The following HSPB7 variants were observed in gnomAD, a reference collection of about 807,000 sequenced individuals.
The protein encoded by HSPB7 is heat shock protein family B (small) member 7, also known as heat shock protein beta-7.
HSPB7 carries 9 observed loss-of-function variants against 11.0 expected under a neutral mutation model. The ratio of observed to expected loss-of-function variants is 0.82; its 90% CI spans 0.49 to 1.43. The LOEUF (loss-of-function observed/expected upper bound fraction) is 1.43, where lower values mean the gene tolerates loss of function less well. Among genes scored for constraint, HSPB7 ranks in the 40% most tolerant of loss-of-function variants. HSPB7 has a pLI of 0.00. For missense variants in HSPB7, 246 were observed against 243.9 expected, an observed-to-expected ratio of 1.01 and a Z score of -0.06; for synonymous variants, 102 against 101.6, an observed-to-expected ratio of 1.00 and a Z score of -0.02.
rs967489494 is a variant in HSPB7 at position 16,017,916 on chromosome 1, A to G, written c.48T>C (p.His16=). The G allele has an allele frequency of 1.9e-6, 3 of 1,613,360 alleles. No homozygotes were observed. The African/African-American group carries it at 4.0e-5, about 22-fold the overall frequency. ...SSTFRAERSF[H]SSSSSSSSST... ...AAGAGGAGGAGGAAGAGGAAGAGGA[A>G]TGGAAACTTCTCTCCGCTCGGAAGG... The change falls in exon 1 of 3, where the codon CAT becomes CAC. Residue 16 remains histidine (H), a synonymous_variant. Transcript: ENST00000311890.
upstream of HSPB7, chr1:16,019,490 AC>A: frequency 6.5e-7 from 1 of 1,529,248 alleles, no homozygotes; most frequent in Non-Finnish European, 8.8e-7. Flanking sequence ...GTTCTTGAAG[AC>A]GGGCAGTTTC....
intron 2 of HSPB7, among the ~76,000 whole-genome samples, chr1:16,016,466 C>T (rs2021738571): frequency 6.6e-6 from 1 of 152,226 alleles, no homozygotes; most frequent in African/African-American, 2.4e-5. Flanking sequence ...GAAGTTCGGA[C>T]TCAGACACGC....
chr1:16,017,218 G>A lies in HSPB7; in HGVS notation c.200-11C>T, dbSNP rs780713650. The A allele has an allele frequency of 1.2e-6, 2 of 1,611,732 alleles. No homozygotes were observed. Among genetic ancestry groups the A allele is most frequent in the African/African-American group, 1.3e-5 (1 of 75,002 alleles). ...CCCCACCGGGGCGGGCTGTGGGATG[G>A]GCTGCTGTGAGCGAGGCATGGAGCA... On this transcript the variant is annotated splice_polypyrimidine_tract_variant and intron_variant, in intron 1 of 2. Coordinates refer to ENST00000311890, the MANE Select transcript of HSPB7 (RefSeq NM_014424.5).
chr1:16,017,062 T>G lies in HSPB7; in HGVS notation c.333+12A>C, dbSNP rs1570278364. The G allele has an allele frequency of 1.3e-6, 2 of 1,598,946 alleles. No homozygotes were observed. Among genetic ancestry groups the G allele is most frequent in the Non-Finnish European group, 1.7e-6 (2 of 1,168,212 alleles). On this transcript the variant is annotated intron_variant, in intron 2 of 2. Coordinates refer to ENST00000311890, the MANE Select transcript of HSPB7 (RefSeq NM_014424.5). ...AATTTGGGATGCGGTGAGTAGGGGG[T>G]GGGGGGCTCACCTTCTCAGCCCGCA...
chr1:16,018,090 C>T (rs1190122059), upstream of HSPB7: 1 of 1,567,164 alleles, frequency 6.4e-7, no homozygotes, highest in African/African-American at 1.4e-5. Context: ...TGTCCCTGGG[C>T]TTGGGGCCAG....
upstream of HSPB7, chr1:16,018,201 G>A (rs746280726): frequency 2.1e-5 from 32 of 1,498,194 alleles, no homozygotes; most frequent in African/African-American, 1.5e-4. Context: ...CACGCAGGCC[G>A]AGAGGGCTGA....
At chr1:16,017,304 C>A in intron 1 of HSPB7, 97 bp from the exon 2 acceptor site, 2 of 1,485,776 alleles carry the variant, frequency 1.3e-6, no homozygotes. Flanking sequence ...GCGGCTCCCC[C>A]AGGCCCTACC....
intron 1 of HSPB7, chr1:16,017,473 C>G (rs919156565): frequency 3.4e-6 from 2 of 588,518 alleles, no homozygotes; most frequent in Non-Finnish European, 5.9e-6. Flanking sequence ...CCCCCCACCG[C>G]TCACCCATCC....
At chr1:16,017,642 T>A in intron 1 of HSPB7, 123 bp downstream of exon 1, 1 of 779,896 alleles carries the variant, frequency 1.3e-6, no homozygotes, top group Non-Finnish European at 2.1e-6. Context: ...TGGCCACACA[T>A]GGCTGCAGGC....
At chr1:16,016,381 G>A (rs1207596961) in intron 2 of HSPB7, among the ~76,000 whole-genome samples, 1 of 152,186 alleles carries the variant, frequency 6.6e-6, no homozygotes, top group African/African-American at 2.4e-5. Flanking sequence ...CCTGGCAGCC[G>A]TGGCTGTCCC....
chr1:16,018,784 G>A, upstream of HSPB7: 2 of 1,117,136 alleles, frequency 1.8e-6, no homozygotes, highest in Non-Finnish European at 2.2e-6. Context: ...TCAGTCAGAG[G>A]TAAAAGAGAA....
chr1:16,018,203 G>C (rs1237474519), upstream of HSPB7: 6 of 1,498,930 alleles, frequency 4.0e-6, no homozygotes, highest in Admixed American at 8.1e-5. Flanking sequence ...CGCAGGCCGA[G>C]AGGGCTGAGC....
At chr1:16,018,986 A>G (rs752067772), upstream of HSPB7, 20 of 990,576 alleles carry the variant, frequency 2.0e-5, no homozygotes, top group Non-Finnish European at 2.4e-5. Context: ...TAAGTGGCAG[A>G]GCTGGGATTC....
chr1:16,019,573 C>T (rs1288367203), upstream of HSPB7: 24 of 1,243,490 alleles, frequency 1.9e-5, no homozygotes, highest in South Asian at 3.0e-5. Flanking sequence ...GGGGTATTAG[C>T]GGTGCTGGTG....
In HSPB7 at chr1:16,017,197, A is replaced by G; in HGVS notation, c.210T>C (p.Gly70=). Residue 70 remains glycine, a synonymous_variant, in exon 2 of 3, where the codon GGT becomes GGC. Coordinates refer to ENST00000311890, the MANE Select transcript of HSPB7 (RefSeq NM_014424.5). ...CTAGGGTCTTGATGTTGCCTGCCCC[A>G]CCGGGGCGGGCTGTGGGATGGGCTG... is the stretch of plus-strand genomic sequence containing the variant. The part of the protein sequence containing the change: ...SEPLAFPARP[G]GAGNIKTLGD... The G allele has an allele frequency of 6.2e-7, 1 of 1,612,900 alleles. No homozygotes were observed. The highest frequency in any genetic ancestry group is 8.5e-7 in the Non-Finnish European group (1 of 1,179,152).
rs1186711239 is a variant in HSPB7 at position 16,018,040 on chromosome 1, G to A, written c.-77C>T. 6 of 1,608,922 alleles carry A rather than the reference G, an allele frequency of 3.7e-6. No individual in the cohort carries two copies. Among genetic ancestry groups the A allele is most frequent in the Non-Finnish European group, 5.1e-6 (6 of 1,178,178 alleles). Reference sequence around the variant, plus strand: ...GGTGTGGGCGCAGGCCTCTGGGCGAGCGTGCCAGGCTCCGACTGCGGCCGC... The same window carrying A: ...GGTGTGGGCGCAGGCCTCTGGGCGAACGTGCCAGGCTCCGACTGCGGCCGC... On this transcript the variant is annotated 5_prime_UTR_variant, in exon 1 of 3. Transcript: ENST00000311890.
At position 16,017,113 on chromosome 1, in the gene HSPB7, G is replaced by A. The variant is rs756816628; in HGVS notation, c.294C>T (p.Val98=). The change falls in exon 2 of 3, where the codon GTC becomes GTT. Residue 98 remains valine, a synonymous_variant. Coordinates refer to ENST00000311890, the MANE Select transcript of HSPB7 (RefSeq NM_014424.5). The part of the protein sequence containing the change: ...VRDFSPEDII[V]TTSNNHIEVR... ...CCTCGATGTGGTTGTTGGAGGTGGTGACAATGATGTCTTCAGGTGAGAAGT... is the reference window on the plus strand; with the variant it reads ...CCTCGATGTGGTTGTTGGAGGTGGTAACAATGATGTCTTCAGGTGAGAAGT... The A allele has an allele frequency of 4.3e-6, 7 of 1,612,760 alleles. No homozygotes were observed. The African/African-American group carries it at 8.0e-5, about 18-fold the overall frequency.
chr1:16,015,747 C>G lies in HSPB7; in HGVS notation c.346G>C (p.Gly116Arg). 6.3e-7 allele frequency: 1 copy of G among 1,582,578 alleles called. No individual in the cohort carries two copies. The highest frequency in any genetic ancestry group is 1.3e-5 in the African/African-American group (1 of 74,606). The part of the protein sequence containing the change: ...EVRAEKLAAD[G>R]TVMNTFAHKC... ...TGAGCGAAGGTGTTCATGACAGTGCCGTCAGCCGCCAGCTGGGGAAGGGGT... is the reference window on the plus strand; with the variant it reads ...TGAGCGAAGGTGTTCATGACAGTGCGGTCAGCCGCCAGCTGGGGAAGGGGT... The change falls in exon 3 of 3, where the codon GGC becomes CGC. Residue 116 changes from glycine (G) to arginine (R), a missense_variant. Gly to Arg is a moderately radical substitution (Grantham distance 125). Transcript: ENST00000311890. The surrounding 1 kb of genome is among the most constrained non-coding windows in gnomAD (Gnocchi z 4.9).
chr1:16,018,141 A>G, upstream of HSPB7: 1 of 1,543,454 alleles, frequency 6.5e-7, no homozygotes, highest in South Asian at 1.2e-5. Flanking sequence ...TCCATGGCCC[A>G]GAGGGGGCTG....
Sources: gnomAD v4.1 joint callset for allele counts (sites outside exome capture counted in the v4.1 genomes callset) on GRCh38, gnomAD v4.1.1 for gene constraint, Gnocchi (gnomAD v3.1) non-coding constraint, MANE v1.5 for transcripts, NCBI Gene and HGNC (gene_info 2026-07-23, HGNC 2026-07-21) for gene names.